Variants in ARHGAP44 observed in about 807,000 individuals in gnomAD.
ARHGAP44 encodes Rho GTPase activating protein 44, also known as rho GTPase-activating protein 44.
In ARHGAP44, 43 loss-of-function variants were observed where a neutral mutation model predicts 106.8. The ratio of observed to expected loss-of-function variants is 0.40; its 90% CI spans 0.32 to 0.52. The LOEUF (loss-of-function observed/expected upper bound fraction) is 0.52, where lower values mean the gene tolerates loss of function less well. ARHGAP44 is among the 20% of genes least tolerant of loss of function. ARHGAP44 has a pLI of 0.48. For synonymous variants in ARHGAP44, 439 were observed against 410.3 expected, an observed-to-expected ratio of 1.07 and a Z score of -0.85; for missense variants, 866 against 1,050.5, an observed-to-expected ratio of 0.82 and a Z score of 2.43.
chr17:12,950,381 T>A (rs1208609864), intron 12 of ARHGAP44, among the ~76,000 whole-genome samples: 1 of 152,128 alleles, frequency 6.6e-6, no homozygotes, highest in Admixed American at 6.5e-5. Flanking sequence ...CTCCTGAAGA[T>A]GCGCCCAAGG....
chr17:12,861,424 A>T (rs2036069303), intron 1 of ARHGAP44, among the ~76,000 whole-genome samples: 3 of 152,118 alleles, frequency 2.0e-5, no homozygotes, highest in Non-Finnish European at 4.4e-5. Context: ...GCTAAAATCA[A>T]GATGGCAGCA....
At chr17:12,926,354 G>C (rs1265015600) in intron 6 of ARHGAP44, among the ~76,000 whole-genome samples, 1 of 147,342 alleles carries the variant, frequency 6.8e-6, no homozygotes, top group African/African-American at 2.5e-5. Flanking sequence ...GACAGAGCGA[G>C]ACTTGATATG....
chr17:12,954,253 A>G (rs1244477960), intron 13 of ARHGAP44, among the ~76,000 whole-genome samples: 2 of 152,202 alleles, frequency 1.3e-5, no homozygotes, highest in African/African-American at 4.8e-5. Context: ...AACATTCAGG[A>G]AACGGATGGT....
At chr17:12,974,852 A>ATG (rs2039635901) in intron 18 of ARHGAP44, among the ~76,000 whole-genome samples, 1 of 144,996 alleles carries the variant, frequency 6.9e-6, no homozygotes, top group East Asian at 2.0e-4. Flanking sequence ...GTGTCTCTCA[A>ATG]TTTTTTTTTT....
rs1377511271 is a variant in ARHGAP44 at position 12,987,049 on chromosome 17, T to C, written c.2317+2141T>C. On this transcript the variant is annotated intron_variant, in intron 20 of 20. Transcript: ENST00000379672. ...TTTTTTTTTTTTTTTGTGACGTTCA[T>C]GTTTTGTCGTGTTGATTCCTTTCTC... is the stretch of plus-strand genomic sequence containing the variant. 10 of 1,287,666 alleles carry C rather than the reference T, an allele frequency of 7.8e-6. No homozygotes were observed. In the East Asian group the frequency reaches 7.9e-5, roughly 10 times the overall value. 79.8% of individuals were successfully genotyped at this position (1,287,666 alleles called of 1,614,324 possible). A position where few individuals can be genotyped will look rare whatever the true frequency, so the allele number is the denominator to read the frequency against.
chr17:12,919,315 T>C (rs1283905430), intron 5 of ARHGAP44, among the ~76,000 whole-genome samples: 1 of 151,978 alleles, frequency 6.6e-6, no homozygotes, highest in Non-Finnish European at 1.5e-5. Context: ...GGATTTCATC[T>C]GAAAATAAGG....
intron 5 of ARHGAP44, among the ~76,000 whole-genome samples, chr17:12,916,918 C>T (rs779831333): frequency 3.3e-5 from 5 of 152,124 alleles, no homozygotes; most frequent in East Asian, 3.9e-4. Flanking sequence ...TGAAACAATC[C>T]GAAATCTGAA....
chr17:12,877,279 G>A (rs1027703254), intron 1 of ARHGAP44, among the ~76,000 whole-genome samples: 4 of 152,076 alleles, frequency 2.6e-5, no homozygotes, highest in African/African-American at 4.8e-5. Context: ...TTCATTTACC[G>A]TAGACTGGTC....
At position 12,984,847 on chromosome 17, in the gene ARHGAP44, T is replaced by G. The variant is rs1325914672; in HGVS notation, c.2256T>G (p.Ser752Arg). 5 of 1,613,814 alleles carry G rather than the reference T, an allele frequency of 3.1e-6. No homozygotes were observed. In the African/African-American group the frequency reaches 5.3e-5, roughly 17 times the overall value. Residue 752 changes from serine (S) to arginine (R), a missense_variant, in exon 20 of 21, where the codon AGT becomes AGG. This residue lies in a region of ARHGAP44 where 418 missense variants were observed against 403.6 expected (regional missense o/e 1.04). Transcript: ENST00000379672. ...QPPTVNLSAS[S>R]PQSTEAPMLD... ...CCACAGTAAACCTCTCGGCCTCTAGTCCACAGTCCACGGAGGCCCCCATGC... is the reference window on the plus strand; with the variant it reads ...CCACAGTAAACCTCTCGGCCTCTAGGCCACAGTCCACGGAGGCCCCCATGC...
At chr17:12,947,616 C>T (rs557075626) in intron 10 of ARHGAP44, among the ~76,000 whole-genome samples, 2 of 152,330 alleles carry the variant, frequency 1.3e-5, no homozygotes, top group East Asian at 1.9e-4. Context: ...ATAACAATCC[C>T]CTCCTCCACC....
chr17:12,934,405 A>G (rs2038487413), intron 7 of ARHGAP44, among the ~76,000 whole-genome samples: 1 of 152,194 alleles, frequency 6.6e-6, no homozygotes, highest in African/African-American at 2.4e-5. Flanking sequence ...TGAACCTACA[A>G]TTCCTTACTA....
At chr17:12,808,577 T>G (rs1288351932) in intron 1 of ARHGAP44, among the ~76,000 whole-genome samples, 2 of 152,224 alleles carry the variant, frequency 1.3e-5, no homozygotes, top group Non-Finnish European at 2.9e-5. Flanking sequence ...TTGGTCTCTT[T>G]TAGCCATGGC....
At chr17:12,976,388 G>A (rs945642673) in intron 18 of ARHGAP44, among the ~76,000 whole-genome samples, 10 of 152,010 alleles carry the variant, frequency 6.6e-5, no homozygotes, top group East Asian at 1.9e-4. Flanking sequence ...TGAGGCGGGC[G>A]GATCACCTGA....
In ARHGAP44 at chr17:12,984,739, T is replaced by G; in HGVS notation, c.2148T>G (p.Pro716=). 1 of 1,613,780 alleles carries G rather than the reference T, an allele frequency of 6.2e-7. No homozygotes were observed. Among genetic ancestry groups the G allele is most frequent in the Non-Finnish European group, 8.5e-7 (1 of 1,179,852 alleles). Residue 716 remains proline, a synonymous_variant, in exon 20 of 21, where the codon CCT becomes CCG. Coordinates refer to ENST00000379672, the MANE Select transcript of ARHGAP44 (RefSeq NM_014859.6). Reference sequence around the variant, plus strand: ...CTGCAGCTCCTCCCCTGGCCTCTCCTTCTGTCTTTACAAGCACTTTGAGCA... The same window carrying G: ...CTGCAGCTCCTCCCCTGGCCTCTCCGTCTGTCTTTACAAGCACTTTGAGCA... ...SPAAAPPLAS[P]SVFTSTLSKS...
chr17:12,967,275 T>TCC (rs1491400213), intron 16 of ARHGAP44, among the ~76,000 whole-genome samples: 4 of 123,504 alleles, frequency 3.2e-5, no homozygotes, highest in Non-Finnish European at 5.0e-5. Context: ...TTTTTTTTTT[T>TCC]CCTGAGATAC....
At chr17:12,965,776 C>G (rs1027346047) in intron 16 of ARHGAP44, among the ~76,000 whole-genome samples, 1 of 152,148 alleles carries the variant, frequency 6.6e-6, no homozygotes. Context: ...ATAAATTGAA[C>G]CAGTGCCCCA....
chr17:12,875,944 C>G (rs1482207452), intron 1 of ARHGAP44, among the ~76,000 whole-genome samples: 2 of 109,102 alleles, frequency 1.8e-5, no homozygotes, highest in African/African-American at 2.6e-5. Context: ...GACTTCGTCT[C>G]AAAAAAAAAA....
At chr17:12,817,212 T>C (rs2034623705) in intron 1 of ARHGAP44, among the ~76,000 whole-genome samples, 1 of 151,988 alleles carries the variant, frequency 6.6e-6, no homozygotes, top group African/African-American at 2.4e-5. Flanking sequence ...TATTTAGAAC[T>C]GAATGAAAAT....
At chr17:12,842,202 G>A (rs925997939) in intron 1 of ARHGAP44, among the ~76,000 whole-genome samples, 2 of 151,678 alleles carry the variant, frequency 1.3e-5, no homozygotes, top group Non-Finnish European at 2.9e-5. Context: ...CTTGAGGCCA[G>A]GAGTTTAAGA....
Sources: allele counts gnomAD v4.1 joint callset (sites outside exome capture counted in the v4.1 genomes callset), GRCh38; gene constraint gnomAD v4.1.1; regional missense constraint gnomAD v4.1.1; transcripts MANE v1.5; gene names NCBI Gene and HGNC (gene_info 2026-07-23, HGNC 2026-07-21).